The following KATNAL2 variants were observed in gnomAD, a reference collection of about 807,000 sequenced individuals.
The protein encoded by KATNAL2 is katanin p60 ATPase-containing subunit A-like 2.
In KATNAL2, 52 loss-of-function variants were observed where a neutral mutation model predicts 76.3. That is an observed-to-expected ratio of 0.68 (90% CI 0.55 to 0.86). The LOEUF is 0.86. Among genes scored for constraint, KATNAL2 ranks in the 40% least tolerant of loss-of-function variants. The pLI is 0.00. For missense variants in KATNAL2, 660 were observed against 668.9 expected (o/e 0.99, Z 0.15); for synonymous variants, 243 against 244.2 (o/e 1.00, Z 0.05).
chr18:47,079,408 T>C (rs2062402050), intron 15 of KATNAL2, among the ~76,000 whole-genome samples: 1 of 152,070 alleles, frequency 6.6e-6, no homozygotes, highest in East Asian at 1.9e-4. Flanking sequence ...TTTCTTTTTT[T>C]TTTTGAGATG....
At chr18:47,041,135 C>T (rs2060948584) in intron 3 of KATNAL2, among the ~76,000 whole-genome samples, 1 of 152,208 alleles carries the variant, frequency 6.6e-6, no homozygotes, top group South Asian at 2.1e-4. Flanking sequence ...TCTGCATGCT[C>T]ACCTTCCCCC....
intron 15 of KATNAL2, among the ~76,000 whole-genome samples, chr18:47,078,334 G>GA (rs906429844): frequency 1.3e-5 from 2 of 151,932 alleles, no homozygotes; most frequent in Non-Finnish European, 2.9e-5. Context: ...AGAAGTCATT[G>GA]AAAAAAACCA....
intron 1 of KATNAL2, among the ~76,000 whole-genome samples, chr18:46,937,392 A>G (rs1408375465): frequency 1.3e-5 from 2 of 151,986 alleles, no homozygotes; most frequent in East Asian, 3.9e-4. Context: ...AATTTTTATT[A>G]TTATTATTTT....
rs75390454 is a variant in KATNAL2, at chr18:46,932,547, G to A, written c.-509-13510G>A. Among the ~76,000 whole-genome samples, 994 of 151,074 alleles carry A rather than the reference G, an allele frequency of 6.6e-3. 7 individuals carry two copies. The highest frequency in any genetic ancestry group is 0.023 in the African/African-American group (955 of 41,242). On this transcript the variant is annotated intron_variant, in intron 1 of 17. Transcript: ENST00000683218. ...AAAACTAGTTGGCATGGTGCTGTGC[G>A]CCTGTATGCACCGCCACTCAGGAGG...
chr18:47,074,443 A>G (rs951527934), intron 13 of KATNAL2, among the ~76,000 whole-genome samples: 11 of 152,202 alleles, frequency 7.2e-5, no homozygotes, highest in Admixed American at 7.2e-4. Flanking sequence ...TGCCTATTAA[A>G]GAATCTCTGT....
At chr18:47,093,133 G>C (rs1254852071) in intron 15 of KATNAL2, among the ~76,000 whole-genome samples, 1 of 152,044 alleles carries the variant, frequency 6.6e-6, no homozygotes, top group Non-Finnish European at 1.5e-5. Flanking sequence ...ATTTCACCAC[G>C]ATGTGACTTG....
rs1270651304 is a variant in KATNAL2 at position 47,053,384 on chromosome 18, C to CT, written c.289+345dup. 2.0e-5 allele frequency among the ~76,000 whole-genome samples: 3 copies of CT among 152,228 alleles called. No individual in the cohort carries two copies. The East Asian group carries it at 5.8e-4, about 29-fold the overall frequency. ...TTGGAAGAGGATAAATGACAGAAGA[C>CT]TTTTTTTGTTTTTAGGAGACCTATT... On this transcript the variant is annotated intron_variant, in intron 5 of 17. Transcript: ENST00000683218.
intron 1 of KATNAL2, among the ~76,000 whole-genome samples, chr18:46,932,312 G>A (rs914268603): frequency 6.6e-6 from 1 of 152,096 alleles, no homozygotes; most frequent in Non-Finnish European, 1.5e-5. Context: ...TAAAATAAAA[G>A]AATAAATAGT....
intron 3 of KATNAL2, chr18:47,033,533 C>T (rs144819955): frequency 7.4e-6 from 12 of 1,614,158 alleles, no homozygotes; most frequent in Non-Finnish European, 9.3e-6. Context: ...GTCTCTCTAA[C>T]GAGTGCGTGA....
chr18:47,043,516 AG>A (rs2061045756), intron 3 of KATNAL2, among the ~76,000 whole-genome samples: 1 of 152,180 alleles, frequency 6.6e-6, no homozygotes, highest in South Asian at 2.1e-4. Context: ...CATGGCGGAA[AG>A]TGTGCTATTA....
intron 3 of KATNAL2, among the ~76,000 whole-genome samples, chr18:47,043,201 C>T (rs962461734): frequency 7.9e-5 from 10 of 126,580 alleles, no homozygotes; most frequent in Admixed American, 2.8e-4. Context: ...CACTCCAGCC[C>T]CGGCGACAGA....
At chr18:47,081,915 A>C (rs2062542913) in intron 15 of KATNAL2, among the ~76,000 whole-genome samples, 1 of 152,214 alleles carries the variant, frequency 6.6e-6, no homozygotes, top group Non-Finnish European at 1.5e-5. Flanking sequence ...CGTATCTTTA[A>C]AAAGAGGCAA....
chr18:46,930,124 AC>A (rs1252916616), intron 1 of KATNAL2, among the ~76,000 whole-genome samples: 1 of 152,138 alleles, frequency 6.6e-6, no homozygotes, highest in Non-Finnish European at 1.5e-5. Context: ...TCAGACTCTC[AC>A]CAGCATTGTA....
intron 15 of KATNAL2, among the ~76,000 whole-genome samples, chr18:47,087,522 A>G (rs1198540567): frequency 6.6e-6 from 1 of 152,112 alleles, no homozygotes; most frequent in African/African-American, 2.4e-5. Context: ...AAGGAGGGGA[A>G]CAACAGACCC....
chr18:47,090,462 G>A (rs916118679), intron 15 of KATNAL2, among the ~76,000 whole-genome samples: 1 of 152,098 alleles, frequency 6.6e-6, no homozygotes, highest in Non-Finnish European at 1.5e-5. Context: ...ATGGAGGGAG[G>A]GGGAATCCAC....
intron 3 of KATNAL2, among the ~76,000 whole-genome samples, chr18:46,961,855 T>A (rs1298841655): frequency 6.6e-6 from 1 of 152,218 alleles, no homozygotes; most frequent in East Asian, 1.9e-4. Context: ...TTGTCAGTGA[T>A]TATTTTTAGG....
At chr18:47,071,808 T>C (rs16952905) in intron 13 of KATNAL2, among the ~76,000 whole-genome samples, 1 of 151,666 alleles carries the variant, frequency 6.6e-6, no homozygotes, top group Non-Finnish European at 1.5e-5. Context: ...TGTGTGAGCA[T>C]TGTATTTACT....
chr18:47,079,548 C>A (rs145820599), intron 15 of KATNAL2, among the ~76,000 whole-genome samples: 2,479 of 152,204 alleles, frequency 0.016, 64 homozygotes, highest in African/African-American at 0.057. Context: ...GCGCCTGCCA[C>A]CACGCCCGGC....
chr18:46,930,939 A>G (rs906354553), intron 1 of KATNAL2, among the ~76,000 whole-genome samples: 2 of 151,944 alleles, frequency 1.3e-5, no homozygotes, highest in Admixed American at 1.3e-4. Context: ...GGTCTCTCCT[A>G]AAAATACAAA....
Sources: gnomAD v4.1 joint callset for allele counts (sites outside exome capture counted in the v4.1 genomes callset) on GRCh38, gnomAD v4.1.1 for gene constraint, MANE v1.5 for transcripts, NCBI Gene and HGNC (gene_info 2026-07-23, HGNC 2026-07-21) for gene names.